Variants in FAM13A observed in about 807,000 individuals in gnomAD.
The protein encoded by FAM13A is protein FAM13A.
In FAM13A, 76 loss-of-function variants were observed where a neutral mutation model predicts 129.6. That is an observed-to-expected ratio of 0.59 (90% CI 0.49 to 0.71). The LOEUF (loss-of-function observed/expected upper bound fraction) is 0.71, where lower values mean the gene tolerates loss of function less well. FAM13A is among the 30% of genes least tolerant of loss of function. The pLI is 0.00. For missense variants in FAM13A, 1,108 were observed against 1,249.3 expected, an observed-to-expected ratio of 0.89 and a Z score of 1.70; for synonymous variants, 443 against 449.9, an observed-to-expected ratio of 0.98 and a Z score of 0.20.
intron 7 of FAM13A, among the ~76,000 whole-genome samples, chr4:88,816,482 G>T (rs1730758059): frequency 6.6e-6 from 1 of 152,148 alleles, no homozygotes; most frequent in African/African-American, 2.4e-5. Flanking sequence ...CTGAGTACCT[G>T]CTACGTGCCT....
chr4:88,768,000 T>C lies in FAM13A; in HGVS notation c.1518A>G (p.Glu506=), dbSNP rs1312717936. Residue 506 remains glutamate (E), a synonymous_variant, in exon 12 of 24, where the codon GAA becomes GAG. Transcript: ENST00000264344. ...AAAATTACCTTTCATCAGACATCCATTCAAAATCATCAGGTCCAGTTCTCT... is the reference window on the plus strand; with the variant it reads ...AAAATTACCTTTCATCAGACATCCACTCAAAATCATCAGGTCCAGTTCTCT... ...SHERTGPDDF[E]WMSDERKGNE... 2 of 1,603,804 alleles carry C rather than the reference T, an allele frequency of 1.2e-6. No individual in the cohort carries two copies. The highest frequency in any genetic ancestry group is 1.7e-6 in the Non-Finnish European group (2 of 1,171,026).
At chr4:88,976,904 A>G (rs1460478814) in intron 4 of FAM13A, among the ~76,000 whole-genome samples, 1 of 152,132 alleles carries the variant, frequency 6.6e-6, no homozygotes, top group Non-Finnish European at 1.5e-5. Context: ...CAGTACAGTA[A>G]CATGGTGTAC....
chr4:88,812,024 C>T (rs1729744612), intron 7 of FAM13A, among the ~76,000 whole-genome samples: 2 of 152,212 alleles, frequency 1.3e-5, no homozygotes, highest in South Asian at 4.1e-4. Context: ...GTTTGACACT[C>T]TCCCCCCTGC....
intron 3 of FAM13A, among the ~76,000 whole-genome samples, chr4:88,996,657 G>A (rs961768295): frequency 6.6e-6 from 1 of 152,068 alleles, no homozygotes; most frequent in African/African-American, 2.4e-5. Context: ...AGGGGAATTC[G>A]GAGTACTTGG....
Position 88,882,432 on chromosome 4 carries a change from G to T in FAM13A, c.843+23947C>A, listed in dbSNP as rs556979853. Among the ~76,000 whole-genome samples the T allele has an allele frequency of 7.7e-4, 117 of 152,108 alleles. 1 individual carries two copies. In the South Asian group the frequency reaches 0.024, roughly 31 times the overall value. Reference sequence around the variant, plus strand: ...GGACTTTTTCAGACAATGCTGTATTGTCTTTTTCAGACAATACAATCTTTT... The same window carrying T: ...GGACTTTTTCAGACAATGCTGTATTTTCTTTTTCAGACAATACAATCTTTT... On this transcript the variant is annotated intron_variant, in intron 6 of 23. Coordinates refer to ENST00000264344, the MANE Select transcript of FAM13A (RefSeq NM_014883.4).
chr4:88,753,987 T>G (rs566243337), intron 14 of FAM13A, among the ~76,000 whole-genome samples: 9 of 152,148 alleles, frequency 5.9e-5, no homozygotes, highest in Admixed American at 5.2e-4. Flanking sequence ...AGGAGAGAGA[T>G]AGGAATGTTG....
chr4:88,813,819 A>T (rs1730133002), intron 7 of FAM13A, among the ~76,000 whole-genome samples: 1 of 152,162 alleles, frequency 6.6e-6, no homozygotes, highest in Non-Finnish European at 1.5e-5. Flanking sequence ...GCAACTGGAA[A>T]GTGAATGAAG....
chr4:88,750,540 C>T lies in FAM13A; in HGVS notation c.1824G>A (p.Leu608=). 1 of 1,614,156 alleles carries T rather than the reference C, an allele frequency of 6.2e-7. No homozygotes were observed. Among genetic ancestry groups the T allele is most frequent in the Non-Finnish European group, 8.5e-7 (1 of 1,180,038 alleles). The change falls in exon 15 of 24, where the codon CTG becomes CTA. Residue 608 remains leucine (L), a synonymous_variant. Transcript: ENST00000264344. ...AGAGCATGGGGTCGCTGTCTTCGTC[C>T]AGCAGCTGACGGATCAGGCGCCCAG... ...PQAGRLIRQL[L]DEDSDPMLSP...
At chr4:88,813,862 G>A (rs1157166335) in intron 7 of FAM13A, among the ~76,000 whole-genome samples, 1 of 152,140 alleles carries the variant, frequency 6.6e-6, no homozygotes, top group Non-Finnish European at 1.5e-5. Flanking sequence ...GACTTTGGGC[G>A]CTTCCACAAC....
At chr4:88,910,907 CA>C (rs1749001610) in intron 5 of FAM13A, among the ~76,000 whole-genome samples, 1 of 152,178 alleles carries the variant, frequency 6.6e-6, no homozygotes, top group Non-Finnish European at 1.5e-5. Context: ...CTCAGCCTCC[CA>C]AAGTGCTGGG....
At chr4:88,738,941 G>A (rs1739578265) in intron 20 of FAM13A, 89 bp downstream of exon 20, 1 of 830,380 alleles carries the variant, frequency 1.2e-6, no homozygotes, top group South Asian at 1.4e-5. Flanking sequence ...ATTCTTTAAT[G>A]AGAAAGCAGG....
intron 19 of FAM13A, among the ~76,000 whole-genome samples, chr4:88,744,631 A>G (rs2604210): frequency 0.44 from 66,367 of 152,040 alleles, 17,455 homozygotes; most frequent in African/African-American, 0.74. Flanking sequence ...GTTTAACTCT[A>G]GAAGTACATG....
chr4:88,892,687 T>TGGGAGTA (rs1231047694), intron 6 of FAM13A, among the ~76,000 whole-genome samples: 1 of 152,156 alleles, frequency 6.6e-6, no homozygotes, highest in Admixed American at 6.5e-5. Context: ...CCTTAAAATC[T>TGGGAGTA]GGGAGTAAGT....
intron 6 of FAM13A, among the ~76,000 whole-genome samples, chr4:88,891,407 G>C (rs1044548771): frequency 6.6e-6 from 1 of 152,114 alleles, no homozygotes; most frequent in African/African-American, 2.4e-5. Context: ...GTGAGACAGA[G>C]AGAACCTGCC....
At chr4:89,034,668 G>A (rs554879516) in intron 1 of FAM13A, among the ~76,000 whole-genome samples, 1 of 152,276 alleles carries the variant, frequency 6.6e-6, no homozygotes, top group East Asian at 1.9e-4. Flanking sequence ...GATCACCTGA[G>A]GTCAGGAGTT....
chr4:88,840,700 A>T (rs780704156), intron 7 of FAM13A, among the ~76,000 whole-genome samples: 7 of 152,224 alleles, frequency 4.6e-5, no homozygotes, highest in Non-Finnish European at 8.8e-5. Flanking sequence ...GAAAAAAAAT[A>T]GAAACCTCTG....
In FAM13A at chr4:88,920,327, C is replaced by T. The variant is rs183735752; in HGVS notation, c.760-13865G>A. ...AGTAGGGGCAAACTGACACCTCACA[C>T]GGCCGGGTACTCCTCTGAGACAAAA... On this transcript the variant is annotated intron_variant, in intron 5 of 23. Coordinates refer to ENST00000264344, the MANE Select transcript of FAM13A (RefSeq NM_014883.4). Among the ~76,000 whole-genome samples, 261 of 152,256 alleles carry T rather than the reference C, an allele frequency of 1.7e-3. 1 individual carries two copies. Among genetic ancestry groups the T allele is most frequent in the African/African-American group, 5.2e-3 (217 of 41,548 alleles).
chr4:88,740,639 T>C (rs990219372), intron 19 of FAM13A, among the ~76,000 whole-genome samples: 8 of 152,238 alleles, frequency 5.3e-5, no homozygotes, highest in African/African-American at 1.7e-4. Context: ...GCTTTGACCA[T>C]TTCTTTTACG....
chr4:89,020,567 T>C lies in FAM13A; in HGVS notation c.320A>G (p.Asp107Gly). ...ESGVPVELGK[D>G]GDVCSAASLL... ...ACTGGCTGCTGAGCAGACATCACCGTCCTTCCCGAGCTCCACGGGCACTCC... is the reference window on the plus strand; with the variant it reads ...ACTGGCTGCTGAGCAGACATCACCGCCCTTCCCGAGCTCCACGGGCACTCC... Residue 107 changes from aspartate (D) to glycine (G), a missense_variant, in exon 3 of 24, where the codon GAC becomes GGC. Around this residue, in one of 3 missense-constraint regions of FAM13A, gnomAD observed 566 missense variants for 595.7 expected, o/e 0.95. Transcript: ENST00000264344. 1 of 1,614,132 alleles carries C rather than the reference T, an allele frequency of 6.2e-7. No homozygotes were observed.
Sources: gnomAD v4.1 joint callset for allele counts (sites outside exome capture counted in the v4.1 genomes callset) on GRCh38, gnomAD v4.1.1 for gene constraint, gnomAD v4.1.1 regional missense constraint, MANE v1.5 for transcripts, NCBI Gene and HGNC (gene_info 2026-07-23, HGNC 2026-07-21) for gene names.